The following MCFD2 variants were observed in gnomAD, a reference collection of about 807,000 sequenced individuals.
MCFD2 encodes multiple coagulation factor deficiency 2, ER cargo receptor complex subunit.
Under a neutral mutation model 12.8 loss-of-function variants are expected in MCFD2, and 11 were observed. That is an observed-to-expected ratio of 0.86 (90% CI 0.54 to 1.42). The LOEUF is 1.42. MCFD2 is among the 40% of genes most tolerant of loss of function. The probability of loss-of-function intolerance (pLI) is 0.00; values close to 1 mark genes in which losing one functional copy is unlikely to be tolerated. For missense variants in MCFD2, 191 were observed against 178.6 expected (o/e 1.07, Z -0.40); for synonymous variants, 70 against 68.1 (o/e 1.03, Z -0.14).
chr2:46,917,334 C>T, upstream of MCFD2: 1 of 618,262 alleles, frequency 1.6e-6, no homozygotes, highest in Admixed American at 3.0e-5. Flanking sequence ...CCTATTAATT[C>T]AAGACCCATT....
In MCFD2 at chr2:46,941,726, G is replaced by A. The variant is rs1166079882; in HGVS notation, c.-162C>T. On this transcript the variant is annotated 5_prime_UTR_variant, in exon 1 of 3. Transcript: ENST00000409147. This position sits in a 1 kb window ranked among gnomAD's most constrained non-coding sequence, Gnocchi z 4.2. ...GCAGCGTTCACCTTTCCGGACACCG[G>A]TGAGTAAGGGAAGAGGCTGGCTCGC... 6.5e-7 allele frequency: 1 copy of A among 1,549,786 alleles called. No homozygotes were observed. The highest frequency in any genetic ancestry group is 1.4e-5 in the African/African-American group (1 of 73,192).
intron 1 of MCFD2, among the ~76,000 whole-genome samples, chr2:46,930,965 CCAATGAAGA>C (rs1390059173): frequency 3.0e-4 from 45 of 152,138 alleles, no homozygotes; most frequent in African/African-American, 1.1e-3. Context: ...TGACCAAAAG[CCAATGAAGA>C]CAGTTCCAGA....
At chr2:46,924,307 G>A (rs1364997868) in intron 1 of MCFD2, among the ~76,000 whole-genome samples, 1 of 150,942 alleles carries the variant, frequency 6.6e-6, no homozygotes, top group Admixed American at 6.6e-5. Flanking sequence ...CTTGGTATCA[G>A]CTCATCAACA....
At chr2:46,929,474 AC>A (rs1345421779) in intron 1 of MCFD2, among the ~76,000 whole-genome samples, 1 of 152,160 alleles carries the variant, frequency 6.6e-6, no homozygotes, top group Non-Finnish European at 1.5e-5. Context: ...ACAGAGCACG[AC>A]CCTGTCTCAA....
At chr2:46,917,677 T>A (rs1668884697), upstream of MCFD2, among the ~76,000 whole-genome samples, 1 of 152,198 alleles carries the variant, frequency 6.6e-6, no homozygotes. Context: ...ACCAGATAAT[T>A]CCCATCAACA....
At chr2:46,926,999 A>C (rs768982073) in intron 1 of MCFD2, among the ~76,000 whole-genome samples, 20 of 152,258 alleles carry the variant, frequency 1.3e-4, no homozygotes, top group Non-Finnish European at 2.1e-4. Context: ...CAGTTTAGAC[A>C]CACGAAAAGA....
intron 1 of MCFD2, among the ~76,000 whole-genome samples, chr2:46,929,472 C>T (rs967336182): frequency 6.6e-5 from 10 of 151,948 alleles, no homozygotes; most frequent in African/African-American, 2.4e-4. Context: ...CAACAGAGCA[C>T]GACCCTGTCT....
upstream of MCFD2, chr2:46,917,084 C>T (rs1417744515): frequency 1.8e-5 from 12 of 675,308 alleles, no homozygotes; most frequent in Middle Eastern, 3.8e-4. Flanking sequence ...CTGCCATTGA[C>T]GGTCTCATTC....
intron 1 of MCFD2, among the ~76,000 whole-genome samples, chr2:46,923,983 G>T (rs547996989): frequency 6.6e-6 from 1 of 152,010 alleles, no homozygotes; most frequent in African/African-American, 2.4e-5. Flanking sequence ...TGATCCACCC[G>T]CCTCGGCCTC....
chr2:46,924,078 G>T (rs1272375491), intron 1 of MCFD2, among the ~76,000 whole-genome samples: 1 of 151,940 alleles, frequency 6.6e-6, no homozygotes, highest in African/African-American at 2.4e-5. Flanking sequence ...GGTGGTGTGG[G>T]CCTGTAGTCC....
chr2:46,906,677 G>A (rs542814930), intron 3 of MCFD2, among the ~76,000 whole-genome samples: 121 of 151,592 alleles, frequency 8.0e-4, no homozygotes, highest in African/African-American at 2.8e-3. Flanking sequence ...TTGTAGAGAC[G>A]GGATATCACC....
upstream of MCFD2, chr2:46,916,193 C>T (rs1265687720): frequency 2.1e-5 from 21 of 979,378 alleles, no homozygotes; most frequent in Non-Finnish European, 2.5e-5. Flanking sequence ...TCTCTTGGTT[C>T]GTCCTGCTGC....
At chr2:46,933,162 TAGC>T (rs1669800830) in intron 1 of MCFD2, among the ~76,000 whole-genome samples, 1 of 152,166 alleles carries the variant, frequency 6.6e-6, no homozygotes, top group Non-Finnish European at 1.5e-5. Context: ...GGGCCCATTG[TAGC>T]AGTCTTGCAA....
At chr2:46,931,606 A>T (rs1281217678) in intron 1 of MCFD2, among the ~76,000 whole-genome samples, 1 of 152,120 alleles carries the variant, frequency 6.6e-6, no homozygotes, top group Non-Finnish European at 1.5e-5. Context: ...CAGCCAAGGA[A>T]TGCAGTCGGC....
chr2:46,922,855 C>T (rs926762540), intron 1 of MCFD2, among the ~76,000 whole-genome samples: 11 of 152,250 alleles, frequency 7.2e-5, no homozygotes, highest in East Asian at 3.9e-4. Flanking sequence ...CCTCAGAAAC[C>T]GCAGGTTGAG....
Position 46,941,548 on chromosome 2 carries a change from G to A in MCFD2, c.-8+24C>T. 1 of 1,553,878 alleles carries A rather than the reference G, an allele frequency of 6.4e-7. No individual in the cohort carries two copies. Among genetic ancestry groups the A allele is most frequent in the Non-Finnish European group, 8.7e-7 (1 of 1,149,122 alleles). On this transcript the variant is annotated intron_variant, in intron 1 of 2. Transcript: ENST00000409147. The surrounding 1 kb of genome is among the most constrained non-coding windows in gnomAD (Gnocchi z 4.2). ...TGACAGCGCCCGCGAGAAGATGGCT[G>A]CGAAGGGCGCGCACGGCTCCTACCT...
At chr2:46,909,707 A>G (rs1668403875) in intron 1 of MCFD2, among the ~76,000 whole-genome samples, 1 of 152,142 alleles carries the variant, frequency 6.6e-6, no homozygotes, top group African/African-American at 2.4e-5. Flanking sequence ...AGGTGCCCAC[A>G]AGCGGGAAAG....
chr2:46,938,293 A>G (rs574992269), intron 1 of MCFD2, among the ~76,000 whole-genome samples: 8 of 152,344 alleles, frequency 5.3e-5, no homozygotes, highest in Admixed American at 5.2e-4. Context: ...AACTTGATGG[A>G]TATAGGAACA....
In MCFD2 at chr2:46,937,592, C is replaced by T. The variant is rs1311762086; in HGVS notation, c.-8+3980G>A. Among the ~76,000 whole-genome samples the T allele has an allele frequency of 4.6e-5, 7 of 152,218 alleles. No individual in the cohort carries two copies. The East Asian group carries it at 1.4e-3, about 29-fold the overall frequency. ...GATGAAAAAGTCAGAATGGAAAACC[C>T]CCCAATGATGATTTTTTATTTATTT... On this transcript the variant is annotated intron_variant, in intron 1 of 2. Coordinates refer to the MCFD2 transcript ENST00000409147. The surrounding 1 kb of genome is among the most constrained non-coding windows in gnomAD (Gnocchi z 4.0).
Sources: allele counts gnomAD v4.1 joint callset (sites outside exome capture counted in the v4.1 genomes callset), GRCh38; gene constraint gnomAD v4.1.1; non-coding constraint Gnocchi (gnomAD v3.1); transcripts MANE v1.5; gene names NCBI Gene and HGNC (gene_info 2026-07-23, HGNC 2026-07-21).